ARHGAP26: variants seen among roughly 807,000 people sequenced by gnomAD.
ARHGAP26 encodes rho GTPase-activating protein 26.
A neutral mutation model predicts 104.8 loss-of-function variants in ARHGAP26; 38 were observed. The ratio of observed to expected loss-of-function variants is 0.36; its 90% CI spans 0.28 to 0.48. The LOEUF (loss-of-function observed/expected upper bound fraction) is 0.48. ARHGAP26 is among the 20% of genes least tolerant of loss of function. ARHGAP26 has a pLI of 0.99. For missense variants in ARHGAP26, 704 were observed against 947.9 expected (o/e 0.74, Z 3.38); for synonymous variants, 341 against 340.0 (o/e 1.00, Z -0.03).
At chr5:143,109,593 TA>T (rs1010730622) in intron 17 of ARHGAP26, among the ~76,000 whole-genome samples, 2 of 152,150 alleles carry the variant, frequency 1.3e-5, no homozygotes, top group Non-Finnish European at 2.9e-5. Context: ...TAGCTGGGAC[TA>T]CAGGCACACC....
At chr5:142,903,439 C>A (rs1760664202) in intron 7 of ARHGAP26, 101 bp from the exon 8 acceptor site, 7 of 1,343,474 alleles carry the variant, frequency 5.2e-6, no homozygotes, top group Non-Finnish European at 7.1e-6. Flanking sequence ...GGTTGAATGT[C>A]CTTTATCTCA....
intron 11 of ARHGAP26, among the ~76,000 whole-genome samples, chr5:143,003,282 T>C (rs1297957786): frequency 6.6e-6 from 1 of 152,210 alleles, no homozygotes; most frequent in Non-Finnish European, 1.5e-5. Context: ...TATATCAGCT[T>C]AATTTGAAAT....
intron 1 of ARHGAP26, among the ~76,000 whole-genome samples, chr5:142,778,593 A>G (rs1345979345): frequency 6.6e-6 from 1 of 152,198 alleles, no homozygotes. Context: ...TGGATATGCC[A>G]TAGTTGGTAT....
At chr5:142,881,101 C>A (rs1250281200) in intron 4 of ARHGAP26, among the ~76,000 whole-genome samples, 1 of 152,210 alleles carries the variant, frequency 6.6e-6, no homozygotes, top group Non-Finnish European at 1.5e-5. Flanking sequence ...TCCCTCAGTT[C>A]CTGGCAGTGC....
At chr5:142,922,683 G>A (rs1455829723) in intron 10 of ARHGAP26, among the ~76,000 whole-genome samples, 1 of 152,110 alleles carries the variant, frequency 6.6e-6, no homozygotes, top group East Asian at 1.9e-4. Flanking sequence ...GCTTATTTAG[G>A]ATGGTGCAGA....
chr5:142,776,971 A>G (rs1349575284), intron 1 of ARHGAP26, among the ~76,000 whole-genome samples: 2 of 152,152 alleles, frequency 1.3e-5, no homozygotes, highest in Admixed American at 6.5e-5. Context: ...GTGGGTGTGA[A>G]GTGGTATCTC....
intron 22 of ARHGAP26, 112 bp from the exon 23 acceptor site, chr5:143,222,246 T>TACACAC (rs66463225): frequency 1.3e-4 from 60 of 479,330 alleles, no homozygotes; most frequent in Middle Eastern, 4.7e-4. Flanking sequence ...GCTTCCTTCA[T>TACACAC]ACACACACAC....
chr5:142,893,349 A>C (rs1251353112), intron 5 of ARHGAP26, among the ~76,000 whole-genome samples: 1 of 152,142 alleles, frequency 6.6e-6, no homozygotes, highest in Non-Finnish European at 1.5e-5. Flanking sequence ...TTTAGCACCT[A>C]CATATGAATA....
intron 17 of ARHGAP26, among the ~76,000 whole-genome samples, chr5:143,095,667 G>C (rs1478869900): frequency 6.7e-6 from 1 of 149,288 alleles, no homozygotes; most frequent in Non-Finnish European, 1.5e-5. Context: ...CTCCCAGCTG[G>C]GTTCAAGCAG....
At chr5:142,999,008 T>C (rs1776823276) in intron 11 of ARHGAP26, among the ~76,000 whole-genome samples, 1 of 152,162 alleles carries the variant, frequency 6.6e-6, no homozygotes, top group African/African-American at 2.4e-5. Context: ...ATTATTAAAG[T>C]GCATAGAGAG....
chr5:142,885,914 G>A (rs1285471337), intron 5 of ARHGAP26, among the ~76,000 whole-genome samples: 1 of 151,846 alleles, frequency 6.6e-6, no homozygotes, highest in Admixed American at 6.6e-5. Flanking sequence ...TATATATTTT[G>A]TGCTTTGGTA....
chr5:142,934,467 G>T (rs1765141845), intron 11 of ARHGAP26, among the ~76,000 whole-genome samples: 1 of 152,198 alleles, frequency 6.6e-6, no homozygotes, highest in Admixed American at 6.5e-5. Flanking sequence ...ATAGACAAAT[G>T]ATGTCTGTGT....
rs145617932 is a variant in ARHGAP26, at chr5:143,111,519, G to A, written c.1539-9469G>A. Among the ~76,000 whole-genome samples the A allele has an allele frequency of 2.6e-5, 4 of 152,356 alleles. No individual in the cohort carries two copies. In the East Asian group the frequency reaches 5.8e-4, roughly 22 times the overall value. ...AAGATCACATGAGATAATTGAGGGA[G>A]TGGTTATCCCTGGCTCACAGTAAGT... On this transcript the variant is annotated intron_variant, in intron 17 of 22. Coordinates refer to ENST00000645722, the MANE Select transcript of ARHGAP26 (RefSeq NM_001135608.3).
chr5:142,946,815 G>A (rs1767178999), intron 11 of ARHGAP26: 2 of 152,132 alleles, frequency 1.3e-5, no homozygotes, highest in Non-Finnish European at 2.9e-5. Flanking sequence ...ATTCTTTTTA[G>A]TTGTGTTCCC....
At chr5:142,789,539 C>T (rs1438885188) in intron 1 of ARHGAP26, among the ~76,000 whole-genome samples, 1 of 152,192 alleles carries the variant, frequency 6.6e-6, no homozygotes, top group Non-Finnish European at 1.5e-5. Flanking sequence ...ACCCATCTCA[C>T]TACCCAGAGG....
chr5:142,963,175 T>TATATATATATATATAC (rs1770593103), intron 11 of ARHGAP26, among the ~76,000 whole-genome samples: 1 of 92,822 alleles, frequency 1.1e-5, no homozygotes, highest in African/African-American at 8.0e-5. Flanking sequence ...TATATATGTA[T>TATATATATATATATAC]ATATATATAT....
chr5:142,952,283 T>G (rs1231217467), intron 11 of ARHGAP26, among the ~76,000 whole-genome samples: 1 of 152,164 alleles, frequency 6.6e-6, no homozygotes, highest in Non-Finnish European at 1.5e-5. Flanking sequence ...GTCTCTGCAT[T>G]TTATGGGTGT....
Position 142,901,924 on chromosome 5 carries a change from C to T in ARHGAP26, c.598-11C>T. 1 of 1,612,502 alleles carries T rather than the reference C, an allele frequency of 6.2e-7. No homozygotes were observed. The highest frequency in any genetic ancestry group is 8.5e-7 in the Non-Finnish European group (1 of 1,178,780). ...GGTTATGTGACCTTTGCCTTTCTTCCTTCATTACAGCTGCTGGCCTTCCTG... is the reference window on the plus strand; with the variant it reads ...GGTTATGTGACCTTTGCCTTTCTTCTTTCATTACAGCTGCTGGCCTTCCTG... On this transcript the variant is annotated splice_polypyrimidine_tract_variant and intron_variant, in intron 6 of 22. Transcript: ENST00000645722.
intron 19 of ARHGAP26, among the ~76,000 whole-genome samples, chr5:143,146,769 C>T (rs971563268): frequency 6.6e-6 from 1 of 152,098 alleles, no homozygotes; most frequent in Non-Finnish European, 1.5e-5. Flanking sequence ...TGGTGAGGCT[C>T]TATGGAATTG....
Sources: gnomAD v4.1 joint callset for allele counts (sites outside exome capture counted in the v4.1 genomes callset) on GRCh38, gnomAD v4.1.1 for gene constraint, MANE v1.5 for transcripts, NCBI Gene and HGNC (gene_info 2026-07-23, HGNC 2026-07-21) for gene names.